The following IFT122 variants were observed in gnomAD, a reference collection of about 807,000 sequenced individuals.
IFT122 encodes intraflagellar transport 122.
In IFT122, 118 loss-of-function variants were observed where a neutral mutation model predicts 161.6. The ratio of observed to expected loss-of-function variants is 0.73; its 90% CI spans 0.63 to 0.85. IFT122 has a LOEUF of 0.85. Among genes scored for constraint, IFT122 ranks in the 40% least tolerant of loss-of-function variants. The probability of loss-of-function intolerance (pLI) is 0.00; values close to 1 mark genes in which losing one functional copy is unlikely to be tolerated. For synonymous variants in IFT122, 550 were observed against 602.4 expected (o/e 0.91, Z 1.27); for missense variants, 1,381 against 1,579.6 (o/e 0.87, Z 2.13).
chr3:129,506,410 G>C lies in IFT122; in HGVS notation c.2652G>C (p.Ala884=), dbSNP rs201147770. The C allele has an allele frequency of 6.2e-7, 1 of 1,613,780 alleles. No homozygotes were observed. Among genetic ancestry groups the C allele is most frequent in the East Asian group, 2.2e-5 (1 of 44,876 alleles). Residue 884 remains alanine, a splice_region_variant and synonymous_variant, in exon 22 of 30, where the codon GCG becomes GCC. Transcript: ENST00000348417. The part of the protein sequence containing the change: ...ENDRFEEAQK[A]FHKAGRQREA... ...TTCCTCCCTCCACCACTCCTACAGC[G>C]TTCCACAAGGCTGGGCGACAGAGAG...
At chr3:129,448,130 T>G (rs922947662) in intron 1 of IFT122, among the ~76,000 whole-genome samples, 2 of 152,202 alleles carry the variant, frequency 1.3e-5, no homozygotes, top group Admixed American at 6.5e-5. Flanking sequence ...CTTTTTCTGA[T>G]CCTCTCCTTG....
At chr3:129,511,059 G>T (rs1238511196) in intron 23 of IFT122, among the ~76,000 whole-genome samples, 1 of 152,180 alleles carries the variant, frequency 6.6e-6, no homozygotes, top group African/African-American at 2.4e-5. Flanking sequence ...CAAAGGCCTG[G>T]AGGTGAGTGG....
At chr3:129,486,166 G>C (rs1263529297) in intron 15 of IFT122, among the ~76,000 whole-genome samples, 3 of 152,198 alleles carry the variant, frequency 2.0e-5, no homozygotes, top group Non-Finnish European at 4.4e-5. Context: ...GTAAGTCCAA[G>C]TGTTAGCCAT....
intron 26 of IFT122, among the ~76,000 whole-genome samples, chr3:129,516,582 GA>G (rs2083728669): frequency 1.1e-5 from 1 of 92,898 alleles, no homozygotes; most frequent in Admixed American, 1.2e-4. Flanking sequence ...CACACACAGA[GA>G]GACTGCCCCT....
chr3:129,458,471 C>A (rs1325857853), intron 3 of IFT122, 128 bp from the exon 4 acceptor site: 1 of 806,560 alleles, frequency 1.2e-6, no homozygotes, highest in Non-Finnish European at 2.1e-6. Context: ...CCTCCCAGTA[C>A]TGATAAGAAC....
chr3:129,490,069 C>T (rs146407985), intron 16 of IFT122, among the ~76,000 whole-genome samples: 1 of 152,104 alleles, frequency 6.6e-6, no homozygotes, highest in Non-Finnish European at 1.5e-5. Context: ...CACTGTGTTG[C>T]CCAGGCAGGT....
intron 1 of IFT122, among the ~76,000 whole-genome samples, chr3:129,448,444 G>C (rs1157800381): frequency 6.6e-6 from 1 of 152,212 alleles, no homozygotes; most frequent in Admixed American, 6.5e-5. Context: ...AAACTGGTTA[G>C]GGCTAGGTGT....
chr3:129,487,792 T>C (rs2079470823), intron 15 of IFT122: 7 of 286,730 alleles, frequency 2.4e-5, no homozygotes, highest in Non-Finnish European at 4.1e-5. Context: ...AACAGGCCTG[T>C]AACTGCGGCA....
At chr3:129,473,560 G>A (rs1274492606) in intron 9 of IFT122, among the ~76,000 whole-genome samples, 2 of 152,194 alleles carry the variant, frequency 1.3e-5, no homozygotes, top group Non-Finnish European at 2.9e-5. Flanking sequence ...GTTTTCAGTG[G>A]TGTCAGCAGC....
intron 2 of IFT122, 53 bp downstream of exon 2, chr3:129,449,990 T>A (rs1490997820): frequency 2.6e-6 from 3 of 1,150,102 alleles, no homozygotes; most frequent in East Asian, 4.7e-5. Flanking sequence ...CTCCCTCTTG[T>A]GAGTACTCTG....
chr3:129,516,875 C>G lies in IFT122; in HGVS notation c.3266-594C>G, dbSNP rs558090091. 2.7e-5 allele frequency among the ~76,000 whole-genome samples: 4 copies of G among 146,906 alleles called. No individual in the cohort carries two copies. In the South Asian group the frequency reaches 8.9e-4, roughly 33 times the overall value. On this transcript the variant is annotated intron_variant, in intron 26 of 29. Coordinates refer to ENST00000348417, the MANE Select transcript of IFT122 (RefSeq NM_052989.3). ...CACACACAGAGGCTGCCCCTGCACA[C>G]ACACAGACCGCTCCTGCACACAGAC...
intron 5 of IFT122, among the ~76,000 whole-genome samples, chr3:129,461,698 T>A (rs1420650447): frequency 6.6e-6 from 1 of 152,242 alleles, no homozygotes; most frequent in Non-Finnish European, 1.5e-5. Context: ...CATCTATGTT[T>A]ATGTGAAATT....
chr3:129,475,389 C>T (rs1322924452), intron 9 of IFT122, among the ~76,000 whole-genome samples: 2 of 152,210 alleles, frequency 1.3e-5, no homozygotes, highest in African/African-American at 2.4e-5. Flanking sequence ...CTATGACTCA[C>T]TCCTGTAATC....
rs748470858 is a variant in IFT122, at chr3:129,512,386, G to A, written c.2961G>A (p.Lys987=). ...ISRFLLHSLP[K]DTPSGISKVK... ...GGTTCCTGCTGCACAGCCTGCCCAAGGACACCCCCTCGGGCATCTCTAAAG... is the reference window on the plus strand; with the variant it reads ...GGTTCCTGCTGCACAGCCTGCCCAAAGACACCCCCTCGGGCATCTCTAAAG... The change falls in exon 24 of 30, where the codon AAG becomes AAA. Residue 987 remains lysine (K), a synonymous_variant. Transcript: ENST00000348417. 10 of 1,613,116 alleles carry A rather than the reference G, an allele frequency of 6.2e-6. No homozygotes were observed.
chr3:129,476,006 A>G (rs2077892499), intron 9 of IFT122: 1 of 437,814 alleles, frequency 2.3e-6, no homozygotes, highest in Admixed American at 3.6e-5. Flanking sequence ...TGGGAACAAA[A>G]CCACCCACAG....
rs536157886 is a variant in IFT122 at position 129,448,587 on chromosome 3, C to A, written c.42-1284C>A. ...ACGTGGTGACAAATTAAAGGGAGGACAGAACCTCCATGTTGAACATACTTG... is the reference window on the plus strand; with the variant it reads ...ACGTGGTGACAAATTAAAGGGAGGAAAGAACCTCCATGTTGAACATACTTG... On this transcript the variant is annotated intron_variant, in intron 1 of 29. Coordinates refer to ENST00000348417, the MANE Select transcript of IFT122 (RefSeq NM_052989.3). Among the ~76,000 whole-genome samples the A allele has an allele frequency of 2.4e-4, 36 of 152,308 alleles. No individual in the cohort carries two copies. The South Asian group carries it at 7.5e-3, about 32-fold the overall frequency.
At chr3:129,469,522 A>C in intron 9 of IFT122, 105 bp downstream of exon 9, 1 of 908,540 alleles carries the variant, frequency 1.1e-6, no homozygotes. Flanking sequence ...GTTCCTGCTT[A>C]TTGAGCATTT....
intron 23 of IFT122, among the ~76,000 whole-genome samples, chr3:129,508,982 T>C (rs1399185758): frequency 2.0e-5 from 3 of 152,178 alleles, no homozygotes; most frequent in Non-Finnish European, 2.9e-5. Flanking sequence ...ATCAGACAAC[T>C]GTAGTGGATC....
intron 3 of IFT122, chr3:129,456,216 A>T: frequency 2.3e-6 from 3 of 1,286,278 alleles, no homozygotes; most frequent in Non-Finnish European, 3.0e-6. Flanking sequence ...TATGCTTTTC[A>T]TCACCATCAC....
Sources: allele counts gnomAD v4.1 joint callset (sites outside exome capture counted in the v4.1 genomes callset), GRCh38; gene constraint gnomAD v4.1.1; transcripts MANE v1.5; gene names NCBI Gene and HGNC (gene_info 2026-07-23, HGNC 2026-07-21).